Variants in MBP observed in about 807,000 individuals in gnomAD.
MBP encodes Golli-MBP.
A neutral mutation model predicts 35.8 loss-of-function variants in MBP; 16 were observed. The ratio of observed to expected loss-of-function variants is 0.45; its 90% CI spans 0.30 to 0.68. MBP has a LOEUF of 0.68. MBP is among the 30% of genes least tolerant of loss of function. The pLI is 0.08. For missense variants in MBP, 380 were observed against 404.7 expected, an observed-to-expected ratio of 0.94 and a Z score of 0.52; for synonymous variants, 143 against 159.6, an observed-to-expected ratio of 0.90 and a Z score of 0.78.
rs763116257 is a variant in MBP at position 77,081,819 on chromosome 18, T to TACACAC, written c.52-15440_52-15435dup. ...GTATATATATATGCACACACATATA[T>TACACAC]ACACACACACACACACACACACATA... On this transcript the variant is annotated intron_variant, in intron 2 of 8. Coordinates refer to ENST00000355994, the MANE Select transcript of MBP (RefSeq NM_001025101.2). 8.8e-4 allele frequency among the ~76,000 whole-genome samples: 67 copies of TACACAC among 76,276 alleles called. 1 individual carries two copies. Among genetic ancestry groups the TACACAC allele is most frequent in the African/African-American group, 1.6e-3 (40 of 24,270 alleles). 50.0% of individuals were successfully genotyped at this position (76,276 alleles called of 152,430 possible). A position where few individuals can be genotyped will look rare whatever the true frequency, so the allele number is the denominator to read the frequency against.
chr18:76,997,710 T>C (rs1215302120), intron 4 of MBP, among the ~76,000 whole-genome samples: 1 of 149,248 alleles, frequency 6.7e-6, no homozygotes, highest in East Asian at 2.0e-4. Flanking sequence ...TGAGACGGAG[T>C]CTCACTTTGT....
At chr18:77,106,661 G>A (rs781436444) in intron 1 of MBP, among the ~76,000 whole-genome samples, 5 of 152,166 alleles carry the variant, frequency 3.3e-5, no homozygotes, top group East Asian at 1.9e-4. Context: ...GAGGCTCTGC[G>A]AAATCAAAGA....
rs1024146906 is a variant in MBP at position 76,989,025 on chromosome 18, C to G, written c.682-113G>C. 11 of 956,562 alleles carry G rather than the reference C, an allele frequency of 1.1e-5. No individual in the cohort carries two copies. The highest frequency in any genetic ancestry group is 1.9e-5 in the Non-Finnish European group (11 of 580,442). 59.3% of individuals were successfully genotyped at this position (956,562 alleles called of 1,614,324 possible). On this transcript the variant is annotated intron_variant, in intron 5 of 8. Transcript: ENST00000355994. This position sits in a 1 kb window ranked among gnomAD's most constrained non-coding sequence, Gnocchi z 4.0. Reference sequence around the variant, plus strand: ...TAGCATCCATCAGCTGCCAGAAGCACCCGGGTGCCCAGCCTCCCCACTTCT... The same window carrying G: ...TAGCATCCATCAGCTGCCAGAAGCAGCCGGGTGCCCAGCCTCCCCACTTCT...
At chr18:77,013,941 C>T in intron 4 of MBP, 1 of 985,422 alleles carries the variant, frequency 1.0e-6, no homozygotes, top group Non-Finnish European at 1.2e-6. Context: ...TGAGCACTGG[C>T]ACAGAGTGAT....
chr18:77,068,868 T>C, intron 2 of MBP: 1 of 420,446 alleles, frequency 2.4e-6, no homozygotes, highest in South Asian at 1.7e-5. Flanking sequence ...AGGGAAACTT[T>C]CCTGGGACTG....
In MBP at chr18:76,980,085, C is replaced by T. The variant is rs1325285705; in HGVS notation, c.*342G>A. 10 of 697,562 alleles carry T rather than the reference C, an allele frequency of 1.4e-5. No homozygotes were observed. The highest frequency in any genetic ancestry group is 2.0e-5 in the Admixed American group (1 of 48,874). The allele number at this position is 697,562 out of a possible 1,614,324, so 43.2% of individuals were successfully genotyped here. A position where few individuals can be genotyped will look rare whatever the true frequency, so the allele number is the denominator to read the frequency against. On this transcript the variant is annotated 3_prime_UTR_variant, in exon 9 of 9. Transcript: ENST00000355994. ...AAGCGCAAGGGTGCCGCAGCCACGG[C>T]GAAAAGAAAGTCCAAGGGTGGAGGG...
rs368901076 is a variant in MBP at position 76,980,279 on chromosome 18, C to G, written c.*148G>C. On this transcript the variant is annotated 3_prime_UTR_variant, in exon 9 of 9. Transcript: ENST00000355994. ...TGGCCGGAAATTGCCGGTAGGCTGC[C>G]GTGGCCTGACCCTACTACGTGCACA... 2.4e-4 allele frequency: 190 copies of G among 779,898 alleles called. No homozygotes were observed. Among genetic ancestry groups the G allele is most frequent in the African/African-American group, 1.9e-3 (112 of 58,664 alleles). The allele number at this position is 779,898 out of a possible 1,614,324, so 48.3% of individuals were successfully genotyped here. A position where few individuals can be genotyped will look rare whatever the true frequency, so the allele number is the denominator to read the frequency against.
intron 7 of MBP, chr18:76,985,956 C>T: frequency 2.0e-6 from 2 of 985,890 alleles, no homozygotes; most frequent in Non-Finnish European, 2.4e-6. Flanking sequence ...TCCTGACACA[C>T]ATGGGTGCGA....
intron 4 of MBP, chr18:77,015,519 C>T: frequency 1.0e-6 from 1 of 985,368 alleles, no homozygotes; most frequent in Non-Finnish European, 1.2e-6. Flanking sequence ...TCTACAAATG[C>T]ACTGAAAGAA....
chr18:77,010,413 A>AT lies in MBP; in HGVS notation c.576+6418dup, dbSNP rs1332718241. On this transcript the variant is annotated intron_variant, in intron 4 of 8. Coordinates refer to ENST00000355994, the MANE Select transcript of MBP (RefSeq NM_001025101.2). Reference sequence around the variant, plus strand: ...CATTCCACTTTACTTGCAGAGTTGTATTTTTTCTTTTATAGCAAGTGTGTT... The same window carrying AT: ...CATTCCACTTTACTTGCAGAGTTGTATTTTTTTCTTTTATAGCAAGTGTGTT... Among the ~76,000 whole-genome samples, 4 of 152,176 alleles carry AT rather than the reference A, an allele frequency of 2.6e-5. No individual in the cohort carries two copies. In the East Asian group the frequency reaches 7.7e-4, roughly 29 times the overall value.
At chr18:77,023,569 A>G (rs1972077218) in intron 3 of MBP, among the ~76,000 whole-genome samples, 1 of 152,156 alleles carries the variant, frequency 6.6e-6, no homozygotes, top group Non-Finnish European at 1.5e-5. Context: ...GGGCTTTGCA[A>G]CACAAGGCTC....
At chr18:77,065,650 C>T (rs1974163075) in intron 3 of MBP, 2 of 152,186 alleles carry the variant, frequency 1.3e-5, no homozygotes, top group African/African-American at 4.8e-5. Flanking sequence ...TTCATTTCCT[C>T]ATTAGCTATT....
intron 2 of MBP, among the ~76,000 whole-genome samples, chr18:77,076,559 T>G (rs1180184430): frequency 2.0e-5 from 3 of 152,208 alleles, no homozygotes; most frequent in African/African-American, 7.2e-5. Flanking sequence ...CTAATGAAGC[T>G]GCTGCTGCTT....
intron 1 of MBP, among the ~76,000 whole-genome samples, chr18:77,111,005 C>T (rs944658907): frequency 2.0e-5 from 3 of 152,054 alleles, no homozygotes; most frequent in Non-Finnish European, 2.9e-5. Flanking sequence ...TCGCGGTGTA[C>T]GGGACCTTAA....
In MBP at chr18:76,988,205, G is replaced by A. The variant is rs1404107701; in HGVS notation, c.750+290C>T. On this transcript the variant is annotated intron_variant, in intron 7 of 8. Transcript: ENST00000355994. The surrounding 1 kb of genome is among the most constrained non-coding windows in gnomAD (Gnocchi z 5.2). The stretch of plus-strand genomic sequence containing the variant: ...CGGACGTGGTGTTGCTCCCTCCCTG[G>A]GAGGGAGACCAGTCACGTCGCCTGG... 6.5e-7 allele frequency: 1 copy of A among 1,547,628 alleles called. No individual in the cohort carries two copies. Among genetic ancestry groups the A allele is most frequent in the East Asian group, 2.4e-5 (1 of 40,914 alleles).
At chr18:77,096,161 A>G (rs1975749115) in intron 2 of MBP, among the ~76,000 whole-genome samples, 1 of 152,264 alleles carries the variant, frequency 6.6e-6, no homozygotes, top group Non-Finnish European at 1.5e-5. Flanking sequence ...GTGACATTTC[A>G]CAGCTGGGCT....
At chr18:77,078,339 A>C (rs1162607203) in intron 2 of MBP, among the ~76,000 whole-genome samples, 1 of 151,800 alleles carries the variant, frequency 6.6e-6, no homozygotes, top group African/African-American at 2.4e-5. Context: ...TCATTCTACC[A>C]CCCGCTCTCC....
intron 3 of MBP, among the ~76,000 whole-genome samples, chr18:77,061,261 G>A (rs8093926): frequency 0.41 from 61,696 of 152,066 alleles, 15,118 homozygotes; most frequent in African/African-American, 0.69. Context: ...CCTTGAGGTC[G>A]TTGACTACCA....
chr18:77,054,327 G>A (rs902722299), intron 3 of MBP, among the ~76,000 whole-genome samples: 4 of 152,246 alleles, frequency 2.6e-5, no homozygotes, highest in Non-Finnish European at 2.9e-5. Flanking sequence ...GACATGGAGC[G>A]AAGAGCTCAC....
Sources: allele counts gnomAD v4.1 joint callset (sites outside exome capture counted in the v4.1 genomes callset), GRCh38; gene constraint gnomAD v4.1.1; non-coding constraint Gnocchi (gnomAD v3.1); transcripts MANE v1.5; gene names NCBI Gene and HGNC (gene_info 2026-07-23, HGNC 2026-07-21).